TLE1: variants seen among roughly 807,000 people sequenced by gnomAD.
TLE1 encodes the protein TLE family member 1, transcriptional corepressor.
TLE1 carries 21 observed loss-of-function variants against 89.8 expected under a neutral mutation model. That is an observed-to-expected ratio of 0.23 (90% CI 0.17 to 0.34). TLE1 has a LOEUF of 0.34. Ranked by LOEUF, TLE1 falls within the 10% of genes least tolerant of loss-of-function variation. TLE1 has a pLI of 1.00. For missense variants in TLE1, 795 were observed against 1,031.2 expected, an observed-to-expected ratio of 0.77 and a Z score of 3.14; for synonymous variants, 447 against 407.6, an observed-to-expected ratio of 1.10 and a Z score of -1.16.
At position 81,587,914 on chromosome 9, in the gene TLE1, G is replaced by GTGTGTGTGTGTGTCATCCCACC. The variant is rs1311607449; in HGVS notation, c.1830-87_1830-86insGGTGGGATGACACACACACACA. On this transcript the variant is annotated intron_variant, in intron 16 of 19. Coordinates refer to ENST00000376499, the MANE Select transcript of TLE1 (RefSeq NM_005077.5). Reference sequence around the variant, plus strand: ...GTGTTGTTAGTTTTGGACCGTGTGTGTGTGTGTGTGTGTGTGTGTGTGTGT... The same window carrying GTGTGTGTGTGTGTCATCCCACC: ...GTGTTGTTAGTTTTGGACCGTGTGTGTGTGTGTGTGTGTCATCCCACCTGTGTGTGTGTGTGTGTGTGTGTGT... 7 of 868,912 alleles carry GTGTGTGTGTGTGTCATCCCACC rather than the reference G, an allele frequency of 8.1e-6. No homozygotes were observed. The South Asian group carries it at 1.1e-4, about 13-fold the overall frequency. The allele number at this position is 868,912 out of a possible 1,614,324, so 53.8% of individuals were successfully genotyped here.
intron 6 of TLE1, among the ~76,000 whole-genome samples, 177 bp from the exon 7 acceptor site, chr9:81,634,478 G>GA (rs5898752): frequency 6.6e-6 from 1 of 151,490 alleles, no homozygotes; most frequent in Non-Finnish European, 1.5e-5. Flanking sequence ...GAGGAAAGGG[G>GA]AAAAAATGCG....
At position 81,632,232 on chromosome 9, in the gene TLE1, CCT is replaced by C. The variant is rs141904487; in HGVS notation, c.594+1114_594+1115del. Among the ~76,000 whole-genome samples, 906 of 152,202 alleles carry C rather than the reference CCT, an allele frequency of 6.0e-3. 14 individuals carry two copies. The highest frequency in any genetic ancestry group is 0.021 in the African/African-American group (854 of 41,508). ...CTATAATTTTTTGTCCCCCCAATCCCCTCTCAACATTTTCCAGAGAAATTTAT... is the reference window on the plus strand; with the variant it reads ...CTATAATTTTTTGTCCCCCCAATCCCCTCAACATTTTCCAGAGAAATTTAT... On this transcript the variant is annotated intron_variant, in intron 8 of 19. Transcript: ENST00000376499.
chr9:81,647,108 T>C (rs1828949791), intron 6 of TLE1, among the ~76,000 whole-genome samples: 1 of 152,146 alleles, frequency 6.6e-6, no homozygotes, highest in African/African-American at 2.4e-5. Context: ...TCACAGGCAT[T>C]ACTATGGGTA....
intron 4 of TLE1, among the ~76,000 whole-genome samples, chr9:81,660,844 C>T (rs1830674676): frequency 6.7e-6 from 1 of 149,962 alleles, no homozygotes. Context: ...CGCCTGTAAT[C>T]CCAGCACTTT....
intron 14 of TLE1, among the ~76,000 whole-genome samples, chr9:81,606,712 A>C (rs1056217872): frequency 6.6e-6 from 1 of 152,048 alleles, no homozygotes; most frequent in African/African-American, 2.4e-5. Flanking sequence ...CCAACATGGC[A>C]CATGTATACC....
At chr9:81,621,841 T>C (rs185857610) in intron 8 of TLE1, among the ~76,000 whole-genome samples, 1 of 152,134 alleles carries the variant, frequency 6.6e-6, no homozygotes, top group Non-Finnish European at 1.5e-5. Flanking sequence ...CCAAGCCTCT[T>C]GGCCCGCCTC....
rs761583328 is a variant in TLE1, at chr9:81,652,202, T to C, written c.372+12A>G. On this transcript the variant is annotated intron_variant, in intron 6 of 19. Transcript: ENST00000376499. ...TACACACTGTAGGAGGTAGACCTGG[T>C]AGGCCACGTACCCCGATGATGGCAT... 2.5e-6 allele frequency: 4 copies of C among 1,613,264 alleles called. No individual in the cohort carries two copies. The African/African-American group carries it at 4.0e-5, about 16-fold the overall frequency.
intron 4 of TLE1, among the ~76,000 whole-genome samples, chr9:81,684,173 G>T (rs369676835): frequency 6.7e-6 from 1 of 148,260 alleles, no homozygotes; most frequent in Non-Finnish European, 1.5e-5. Flanking sequence ...AGATTAAACC[G>T]CCTAGGCCAA....
chr9:81,683,017 A>G (rs934179558), intron 4 of TLE1, among the ~76,000 whole-genome samples: 2 of 152,224 alleles, frequency 1.3e-5, no homozygotes, highest in Admixed American at 1.3e-4. Context: ...AGGAAAGGAA[A>G]CCACAATTAT....
At chr9:81,613,811 G>A (rs918002319) in intron 11 of TLE1, among the ~76,000 whole-genome samples, 4 of 151,572 alleles carry the variant, frequency 2.6e-5, no homozygotes, top group African/African-American at 7.3e-5. Context: ...TTGGGTCTAC[G>A]CCAAGTTAGA....
At chr9:81,613,810 C>T (rs765955468) in intron 11 of TLE1, among the ~76,000 whole-genome samples, 5 of 152,130 alleles carry the variant, frequency 3.3e-5, no homozygotes, top group Middle Eastern at 3.4e-3. Context: ...TTTGGGTCTA[C>T]GCCAAGTTAG....
chr9:81,622,825 G>A (rs895661813), intron 8 of TLE1, among the ~76,000 whole-genome samples: 1 of 152,088 alleles, frequency 6.6e-6, no homozygotes, highest in Non-Finnish European at 1.5e-5. Context: ...CTCAAAACAA[G>A]GCAGCAGAGT....
At chr9:81,593,774 T>A (rs1829862092) in intron 14 of TLE1, among the ~76,000 whole-genome samples, 1 of 152,048 alleles carries the variant, frequency 6.6e-6, no homozygotes, top group Admixed American at 6.6e-5. Flanking sequence ...AAAATACCAG[T>A]TTATGGTATG....
At position 81,678,377 on chromosome 9, in the gene TLE1, T is replaced by A. The variant is rs914756948; in HGVS notation, c.234+7299A>T. On this transcript the variant is annotated intron_variant, in intron 4 of 19. Transcript: ENST00000376499. ...TACAGGTCTGTACCACCAGGCCCAATTAATTTTTTTTAAATCTTTTATTGT... is the reference window on the plus strand; with the variant it reads ...TACAGGTCTGTACCACCAGGCCCAAATAATTTTTTTTAAATCTTTTATTGT... Among the ~76,000 whole-genome samples the A allele has an allele frequency of 6.9e-5, 4 of 58,004 alleles. No homozygotes were observed. The South Asian group carries it at 2.0e-3, about 29-fold the overall frequency. 38.1% of individuals were successfully genotyped at this position (58,004 alleles called of 152,430 possible). A position where few individuals can be genotyped will look rare whatever the true frequency, so the allele number is the denominator to read the frequency against.
At chr9:81,614,321 A>G (rs1824127236) in intron 11 of TLE1, among the ~76,000 whole-genome samples, 1 of 152,130 alleles carries the variant, frequency 6.6e-6, no homozygotes, top group Non-Finnish European at 1.5e-5. Context: ...CCTTACCAAT[A>G]TGCCTAAAAA....
At chr9:81,599,029 C>G (rs950925889) in intron 14 of TLE1, among the ~76,000 whole-genome samples, 4 of 152,296 alleles carry the variant, frequency 2.6e-5, no homozygotes, top group Admixed American at 2.6e-4. Context: ...TAACTTGAGC[C>G]TCATTTCCCC....
intron 8 of TLE1, among the ~76,000 whole-genome samples, chr9:81,628,898 T>G (rs1826226878): frequency 6.6e-6 from 1 of 152,096 alleles, no homozygotes; most frequent in Non-Finnish European, 1.5e-5. Flanking sequence ...TGAGTTATAG[T>G]CTCTCCCCAG....
At chr9:81,631,257 A>T (rs1293013456) in intron 8 of TLE1, among the ~76,000 whole-genome samples, 2 of 152,264 alleles carry the variant, frequency 1.3e-5, no homozygotes, top group African/African-American at 4.8e-5. Flanking sequence ...TGAACCCATG[A>T]ATTAAGTACT....
chr9:81,584,574 T>C (rs200355393), intron 18 of TLE1, 50 bp from the exon 19 acceptor site: 1 of 1,566,814 alleles, frequency 6.4e-7, no homozygotes, highest in African/African-American at 1.4e-5. Flanking sequence ...AAATTCCTAC[T>C]ATACAATTAG....
Sources: allele counts gnomAD v4.1 joint callset (sites outside exome capture counted in the v4.1 genomes callset), GRCh38; gene constraint gnomAD v4.1.1; transcripts MANE v1.5; gene names NCBI Gene and HGNC (gene_info 2026-07-23, HGNC 2026-07-21).